Variants in TAS2R1 observed in about 807,000 individuals in gnomAD.
TAS2R1 encodes taste receptor type 2 member 1.
For missense variants in TAS2R1, 370 were observed against 353.4 expected (o/e 1.05, Z -0.38); for synonymous variants, 141 against 134.2 (o/e 1.05, Z -0.35).
the TAS2R1 span, among the ~76,000 whole-genome samples, chr5:9,894,293 A>G: frequency 6.6e-6 from 1 of 152,046 alleles, no homozygotes; most frequent in African/African-American, 2.4e-5. Context: ...AATCCCAGCT[A>G]CTCGGGAGGC....
chr5:9,746,389 C>T, the TAS2R1 span, among the ~76,000 whole-genome samples: 1 of 152,186 alleles, frequency 6.6e-6, no homozygotes, highest in African/African-American at 2.4e-5. Flanking sequence ...CCAGAAATAT[C>T]ATTTGACCCA....
chr5:9,877,712 G>T, the TAS2R1 span, among the ~76,000 whole-genome samples: 2 of 152,188 alleles, frequency 1.3e-5, no homozygotes, highest in African/African-American at 2.4e-5. Context: ...CAACAGAGCC[G>T]AGAGAAATTA....
At chr5:9,693,046 G>A (rs1741280723) in intron 1 of TAS2R1, among the ~76,000 whole-genome samples, 1 of 151,956 alleles carries the variant, frequency 6.6e-6, no homozygotes, top group Admixed American at 6.6e-5. Context: ...GCTTTCAAGG[G>A]CTACTCCTCA....
chr5:9,673,812 C>T (rs1460735814), intron 1 of TAS2R1, among the ~76,000 whole-genome samples: 1 of 152,150 alleles, frequency 6.6e-6, no homozygotes, highest in Non-Finnish European at 1.5e-5. Flanking sequence ...CCTTGTGGCA[C>T]TTCTCCATAC....
At chr5:9,789,058 A>G in the TAS2R1 span, among the ~76,000 whole-genome samples, 1 of 152,124 alleles carries the variant, frequency 6.6e-6, no homozygotes, top group African/African-American at 2.4e-5. Context: ...ACAACCTCTA[A>G]AGCAAATACA....
At chr5:9,832,184 C>T in the TAS2R1 span, among the ~76,000 whole-genome samples, 1 of 152,192 alleles carries the variant, frequency 6.6e-6, no homozygotes, top group African/African-American at 2.4e-5. Context: ...AATATGCATA[C>T]ATTGACATCT....
the TAS2R1 span, among the ~76,000 whole-genome samples, chr5:9,725,343 G>C: frequency 6.6e-6 from 1 of 152,238 alleles, no homozygotes; most frequent in Non-Finnish European, 1.5e-5. Flanking sequence ...GCTGCGCGCG[G>C]AGCTTGTGGG....
chr5:9,865,907 C>G, the TAS2R1 span, among the ~76,000 whole-genome samples: 2 of 152,194 alleles, frequency 1.3e-5, no homozygotes, highest in Non-Finnish European at 2.9e-5. Flanking sequence ...TGCTGAGGCT[C>G]ATAGGCCATG....
chr5:9,838,487 G>A, the TAS2R1 span, among the ~76,000 whole-genome samples: 9 of 152,146 alleles, frequency 5.9e-5, no homozygotes, highest in African/African-American at 1.7e-4. Flanking sequence ...CCTGATATGC[G>A]AAGAAAAAGC....
At chr5:9,868,194 T>C in the TAS2R1 span, among the ~76,000 whole-genome samples, 1 of 152,248 alleles carries the variant, frequency 6.6e-6, no homozygotes, top group Non-Finnish European at 1.5e-5. Context: ...CACTAGGCAG[T>C]GCTCCAGTGG....
chr5:9,741,339 A>G, the TAS2R1 span, among the ~76,000 whole-genome samples: 1 of 152,138 alleles, frequency 6.6e-6, no homozygotes, highest in Non-Finnish European at 1.5e-5. Flanking sequence ...ACAGCTGGTC[A>G]ATGGGACCCG....
the TAS2R1 span, among the ~76,000 whole-genome samples, chr5:9,734,444 T>C: frequency 6.6e-6 from 1 of 152,174 alleles, no homozygotes. Context: ...AACCCACATC[T>C]GAGCCAAAAT....
At chr5:9,850,810 G>A in the TAS2R1 span, among the ~76,000 whole-genome samples, 30 of 152,294 alleles carry the variant, frequency 2.0e-4, no homozygotes, top group East Asian at 4.1e-3. Context: ...TATCAACCCC[G>A]TCCAAAGAGC....
At chr5:9,686,418 G>A (rs530719042) in intron 1 of TAS2R1, among the ~76,000 whole-genome samples, 1 of 152,174 alleles carries the variant, frequency 6.6e-6, no homozygotes, top group East Asian at 1.9e-4. Flanking sequence ...TTAGTCACCA[G>A]ATGGGAAATC....
At chr5:9,780,795 A>G in the TAS2R1 span, among the ~76,000 whole-genome samples, 1 of 152,250 alleles carries the variant, frequency 6.6e-6, no homozygotes, top group Admixed American at 6.5e-5. Flanking sequence ...GTTAACATCT[A>G]TAATCTTGTT....
At chr5:9,889,395 C>T in the TAS2R1 span, among the ~76,000 whole-genome samples, 2 of 152,252 alleles carry the variant, frequency 1.3e-5, no homozygotes, top group African/African-American at 4.8e-5. Context: ...ATCTGGCTGA[C>T]GTAGGACCAC....
At chr5:9,875,951 T>C in the TAS2R1 span, among the ~76,000 whole-genome samples, 1 of 152,156 alleles carries the variant, frequency 6.6e-6, no homozygotes, top group Non-Finnish European at 1.5e-5. Context: ...AAGATCAACC[T>C]CTTCATTTCT....
chr5:9,790,669 C>T, the TAS2R1 span, among the ~76,000 whole-genome samples: 1 of 152,138 alleles, frequency 6.6e-6, no homozygotes, highest in Non-Finnish European at 1.5e-5. Context: ...CACCCTGTCG[C>T]CCAGGCTGCA....
chr5:9,765,207 A>T, the TAS2R1 span, among the ~76,000 whole-genome samples: 10 of 152,192 alleles, frequency 6.6e-5, no homozygotes, highest in Non-Finnish European at 1.3e-4. Flanking sequence ...TAATAAAAAT[A>T]GTACAAATAT....
Sources: gnomAD v4.1 joint callset for allele counts (sites outside exome capture counted in the v4.1 genomes callset) on GRCh38, gnomAD v4.1.1 for gene constraint, MANE v1.5 for transcripts, NCBI Gene and HGNC (gene_info 2026-07-23, HGNC 2026-07-21) for gene names.